The following ERI2 variants were observed in gnomAD, a reference collection of about 807,000 sequenced individuals.
ERI2 encodes ERI1 exoribonuclease family member 2.
ERI2 carries 35 observed loss-of-function variants against 46.8 expected under a neutral mutation model. The ratio of observed to expected loss-of-function variants is 0.75; its 90% CI spans 0.57 to 0.99. The LOEUF (loss-of-function observed/expected upper bound fraction) is 0.99. ERI2 is among the 50% of genes least tolerant of loss of function. ERI2 has a pLI of 0.00. For missense variants in ERI2, 695 were observed against 796.2 expected (o/e 0.87, Z 1.53); for synonymous variants, 224 against 271.0 (o/e 0.83, Z 1.70).
chr16:20,796,327 A>T (rs1188773204), downstream of ERI2: 1 of 1,597,244 alleles, frequency 6.3e-7, no homozygotes, highest in South Asian at 1.1e-5. Context: ...AAAACATACA[A>T]ATGCATAACT....
rs1301336796 is a variant in ERI2, at chr16:20,798,024, C to T, written c.1776G>A (p.Met592Ile). Residue 592 changes from methionine (M) to isoleucine (I), a missense_variant, in exon 9 of 9, where the codon ATG becomes ATA. By Grantham distance (10) the Met-to-Ile change is conservative. Coordinates refer to ENST00000357967, the MANE Select transcript of ERI2 (RefSeq NM_001142725.2). ...NLQEPWKSGK[M>I]TPPLCKCGRR... Reference sequence around the variant, plus strand: ...GACCACACTTGCATAATGGAGGTGTCATTTTCCCACTCTTCCATGGCTCTT... The same window carrying T: ...GACCACACTTGCATAATGGAGGTGTTATTTTCCCACTCTTCCATGGCTCTT... The T allele has an allele frequency of 3.2e-6, 5 of 1,551,844 alleles. No individual in the cohort carries two copies. The Admixed American group carries it at 9.8e-5, about 30-fold the overall frequency.
At chr16:20,786,687 T>C (rs879278240) in intron 10 of ERI2, among the ~76,000 whole-genome samples, 1 of 152,080 alleles carries the variant, frequency 6.6e-6, no homozygotes, top group Non-Finnish European at 1.5e-5. Context: ...TGTCTCTAAA[T>C]AAATAAATAT....
At chr16:20,780,984 G>A in intron 10 of ERI2, 2 of 1,614,134 alleles carry the variant, frequency 1.2e-6, no homozygotes, top group Non-Finnish European at 1.7e-6. Context: ...GTTCTGGCTA[G>A]ATTTGACACC....
Position 20,799,319 on chromosome 16 carries a change from CAAG to C in ERI2, c.673_675del (p.Leu225del), listed in dbSNP as rs761598380. 6.2e-7 allele frequency: 1 copy of C among 1,613,690 alleles called. No individual in the cohort carries two copies. The highest frequency in any genetic ancestry group is 1.1e-5 in the South Asian group (1 of 91,070). ...CAACCATCTCTGATCATTTTCCAAG[CAAG>C]AAGGGCAGTATTCCGAGAATCGTCC... On this transcript the variant is annotated inframe_deletion, in exon 8 of 9. Transcript: ENST00000357967.
rs756884499 is a variant in ERI2, at chr16:20,801,359, C to A, written c.304G>T (p.Ala102Ser). The A allele has an allele frequency of 6.9e-6, 11 of 1,590,834 alleles. No individual in the cohort carries two copies. Among genetic ancestry groups the A allele is most frequent in the Non-Finnish European group, 9.4e-6 (11 of 1,170,192 alleles). ...FCMELTGIKQ[A>S]QVDEGVPLKI... The stretch of plus-strand genomic sequence containing the variant: ...AGAGGGACTCCTTCATCAACTTGAG[C>A]CTGAGTAGAGAGTCACAAAAGCTGA... Residue 102 changes from alanine to serine, a missense_variant and splice_region_variant, in exon 5 of 9, where the codon GCT (alanine) becomes TCT (serine). Physicochemically the swap from Ala to Ser is moderately conservative, Grantham distance 99. Transcript: ENST00000357967.
exon 11 of ERI2, chr16:20,780,522 T>C: frequency 8.7e-7 from 1 of 1,154,146 alleles, no homozygotes. Context: ...ATGACAAAGT[T>C]TAGTTTTGAT....
At position 20,801,315 on chromosome 16, in the gene ERI2, C is replaced by T. The variant is rs768081722; in HGVS notation, c.348G>A (p.Gln116=). 1.2e-6 allele frequency: 2 copies of T among 1,609,972 alleles called. No individual in the cohort carries two copies. The highest frequency in any genetic ancestry group is 2.2e-5 in the East Asian group (1 of 44,570). ...GAATCTTATGAATCCATTTACAGAA[C>T]TGAGATAAGCAAATCTTCAGAGGGA... The part of the protein sequence containing the change: ...EGVPLKICLS[Q]FCKWIHKIQQ... The change falls in exon 5 of 9, where the codon CAG becomes CAA. Residue 116 remains glutamine (Q), a synonymous_variant. Coordinates refer to ENST00000357967, the MANE Select transcript of ERI2 (RefSeq NM_001142725.2).
rs1179798174 is a variant in ERI2, at chr16:20,798,358, GT to G, written c.1441del (p.Thr481LeufsTer6). ...GGCTTCTTTTACATTATAAATAGTAGTGTGAGGACTCTTGTACACAATAGAC... is the reference window on the plus strand; with the variant it reads ...GGCTTCTTTTACATTATAAATAGTAGGTGAGGACTCTTGTACACAATAGAC... ...SKSIVYKSPH[T>X]TIYNVKEAKD... On this transcript the variant is annotated frameshift_variant, in exon 9 of 9. Coordinates refer to ENST00000357967, the MANE Select transcript of ERI2 (RefSeq NM_001142725.2). LOFTEE classifies it high-confidence loss of function. 9.0e-6 allele frequency: 14 copies of G among 1,551,342 alleles called. No individual in the cohort carries two copies. The Admixed American group carries it at 2.7e-4, about 30-fold the overall frequency.
intron 10 of ERI2, among the ~76,000 whole-genome samples, chr16:20,781,299 T>C (rs949407608): frequency 2.0e-5 from 3 of 152,196 alleles, no homozygotes; most frequent in African/African-American, 7.2e-5. Flanking sequence ...CCCCTCTGTA[T>C]CCACAGGTTC....
At chr16:20,799,409 C>T in intron 7 of ERI2, 58 bp from the exon 8 acceptor site, 2 of 1,474,636 alleles carry the variant, frequency 1.4e-6, no homozygotes, top group Non-Finnish European at 1.8e-6. Context: ...TTCCTTAGTA[C>T]TAAAGAAATA....
chr16:20,794,919 T>A (rs561140957), downstream of ERI2, among the ~76,000 whole-genome samples: 3 of 152,318 alleles, frequency 2.0e-5, no homozygotes. Context: ...TTTAAAAAGA[T>A]AAAAGAGACT....
At position 20,796,691 on chromosome 16, in the gene ERI2, G is replaced by T. The variant is rs13306609; in HGVS notation, c.*1033C>A. ...TTTTGTTTGGTCCTTTGGCTTACTG[G>T]ACTCACAGTAAATACTTAATATCAA... On this transcript the variant is annotated 3_prime_UTR_variant, in exon 9 of 9. Coordinates refer to ENST00000357967, the MANE Select transcript of ERI2 (RefSeq NM_001142725.2). The T allele has an allele frequency of 8.6e-4, 1,272 of 1,477,016 alleles. 7 individuals carry two copies. The East Asian group carries it at 8.9e-3, about 10-fold the overall frequency. The allele number at this position is 1,477,016 out of a possible 1,614,324, so 91.5% of individuals were successfully genotyped here. A position where few individuals can be genotyped will look rare whatever the true frequency, so the allele number is the denominator to read the frequency against.
chr16:20,792,224 A>G, downstream of ERI2: 2 of 1,614,062 alleles, frequency 1.2e-6, no homozygotes, highest in African/African-American at 2.7e-5. Context: ...TTCCTGCCAT[A>G]TGTGTTTCTA....
chr16:20,782,186 G>A (rs967350046), intron 10 of ERI2, among the ~76,000 whole-genome samples: 1 of 152,106 alleles, frequency 6.6e-6, no homozygotes, highest in Non-Finnish European at 1.5e-5. Flanking sequence ...AGGGTTCATT[G>A]GTAATCCAAA....
Position 20,798,342 on chromosome 16 carries a change from T to C in ERI2, c.1458A>G (p.Val486=). 4 of 1,551,590 alleles carry C rather than the reference T, an allele frequency of 2.6e-6. No homozygotes were observed. Among genetic ancestry groups the C allele is most frequent in the African/African-American group, 2.7e-5 (2 of 73,184 alleles). The change falls in exon 9 of 9, where the codon GTA becomes GTG. Residue 486 remains valine, a synonymous_variant. Coordinates refer to ENST00000357967, the MANE Select transcript of ERI2 (RefSeq NM_001142725.2). ...YKSPHTTIYN[V]KEAKDPGSDI... ...CTGAACCTGGATCTTTGGCTTCTTT[T>C]ACATTATAAATAGTAGTGTGAGGAC...
rs889976598 is a variant in ERI2 at position 20,796,480 on chromosome 16, T to A, written c.*1244A>T. On this transcript the variant is annotated 3_prime_UTR_variant, in exon 9 of 9. Coordinates refer to ENST00000357967, the MANE Select transcript of ERI2 (RefSeq NM_001142725.2). ...AAAAAACTACAGCACCTTACAAATA[T>A]CCCAGAAAGGTAGGCATCCTAATTA... 2 of 1,612,444 alleles carry A rather than the reference T, an allele frequency of 1.2e-6. No homozygotes were observed. Among genetic ancestry groups the A allele is most frequent in the African/African-American group, 2.7e-5 (2 of 74,772 alleles).
chr16:20,792,358 A>G (rs2080621583), downstream of ERI2: 1 of 1,612,862 alleles, frequency 6.2e-7, no homozygotes, highest in Non-Finnish European at 8.5e-7. Context: ...ATTCATGTCA[A>G]CTTTATAATT....
downstream of ERI2, chr16:20,791,984 A>C (rs2080609584): frequency 1.2e-6 from 2 of 1,613,280 alleles, no homozygotes; most frequent in Non-Finnish European, 8.5e-7. Context: ...TAACAACAAA[A>C]TGCTATTTGT....
Position 20,798,234 on chromosome 16 carries a change from C to T in ERI2, c.1566G>A (p.Leu522=), listed in dbSNP as rs376468074. The T allele has an allele frequency of 1.9e-6, 3 of 1,551,460 alleles. No homozygotes were observed. In the African/African-American group the frequency reaches 4.1e-5, roughly 21 times the overall value. The part of the protein sequence containing the change: ...VNANMSHPLV[L]GKHPLLSGGT... The stretch of plus-strand genomic sequence containing the variant: ...CACCTGAAAGAAGAGGATGTTTCCC[C>T]AAAACTAAAGGATGAGACATATTGG... The change falls in exon 9 of 9, where the codon TTG becomes TTA. Residue 522 remains leucine, a synonymous_variant. Transcript: ENST00000357967.
Sources: allele counts gnomAD v4.1 joint callset (sites outside exome capture counted in the v4.1 genomes callset), GRCh38; gene constraint gnomAD v4.1.1; transcripts MANE v1.5; gene names NCBI Gene and HGNC (gene_info 2026-07-23, HGNC 2026-07-21).